The following RGMA variants were observed in gnomAD, a reference collection of about 807,000 sequenced individuals.
RGMA encodes the protein repulsive guidance molecule A.
RGMA carries 10 observed loss-of-function variants against 23.2 expected under a neutral mutation model. The observed-to-expected ratio is 0.43, with a 90% CI of 0.27 to 0.73. The LOEUF (loss-of-function observed/expected upper bound fraction) is 0.73. RGMA is among the 30% of genes least tolerant of loss of function. RGMA has a pLI of 0.20. For synonymous variants in RGMA, 308 were observed against 279.3 expected (o/e 1.10, Z -1.03); for missense variants, 547 against 630.5 (o/e 0.87, Z 1.42).
chr15:93,073,291 G>T, intron 1 of RGMA: 3 of 789,356 alleles, frequency 3.8e-6, no homozygotes, highest in Non-Finnish European at 4.9e-6. Context: ...AGCGAGGCCG[G>T]CGAGGTAGCC....
At chr15:93,073,714 CG>C in intron 1 of RGMA, 1 of 1,537,242 alleles carries the variant, frequency 6.5e-7, no homozygotes, top group Non-Finnish European at 8.7e-7. Flanking sequence ...CAGCTACTAA[CG>C]CACCTCGAGG....
At chr15:93,071,941 G>T (rs1895339721) in intron 2 of RGMA, among the ~76,000 whole-genome samples, 1 of 152,232 alleles carries the variant, frequency 6.6e-6, no homozygotes, top group African/African-American at 2.4e-5. Flanking sequence ...GGGGCCATTT[G>T]GCCCGTGACA....
rs972707006 is a variant in RGMA at position 93,066,584 on chromosome 15, C to T, written c.130+6332G>A. On this transcript the variant is annotated intron_variant, in intron 2 of 3. Transcript: ENST00000329082. ...TCCCTGCGGGCACTGGTACCACCAC[C>T]GCTACCACCCCGGGCATCGTCGCCG... The T allele has an allele frequency of 8.2e-5, 38 of 462,964 alleles. No individual in the cohort carries two copies. In the East Asian group the frequency reaches 1.2e-3, roughly 15 times the overall value. The allele number at this position is 462,964 out of a possible 1,614,324, so 28.7% of individuals were successfully genotyped here. A position where few individuals can be genotyped will look rare whatever the true frequency, so the allele number is the denominator to read the frequency against.
chr15:93,044,749 G>T lies in RGMA; in HGVS notation c.*249C>A, dbSNP rs902046665. 4 of 555,666 alleles carry T rather than the reference G, an allele frequency of 7.2e-6. No homozygotes were observed. The highest frequency in any genetic ancestry group is 3.2e-5 in the Admixed American group (1 of 31,182). 34.4% of individuals were successfully genotyped at this position (555,666 alleles called of 1,614,324 possible). A position where few individuals can be genotyped will look rare whatever the true frequency, so the allele number is the denominator to read the frequency against. ...TTTCACACATTCACACTGCAGGGGCGGGGCGAGGGGAGCTGCTCTCCCTCT... is the reference window on the plus strand; with the variant it reads ...TTTCACACATTCACACTGCAGGGGCTGGGCGAGGGGAGCTGCTCTCCCTCT... On this transcript the variant is annotated 3_prime_UTR_variant, in exon 4 of 4. Transcript: ENST00000329082.
chr15:93,074,697 A>G (rs1168728846), intron 1 of RGMA, among the ~76,000 whole-genome samples: 2 of 152,198 alleles, frequency 1.3e-5, no homozygotes, highest in Non-Finnish European at 2.9e-5. Flanking sequence ...CCCACCATCG[A>G]AAATGCTCTT....
chr15:93,068,278 T>C (rs1201849096), intron 2 of RGMA, among the ~76,000 whole-genome samples: 1 of 152,212 alleles, frequency 6.6e-6, no homozygotes, highest in Non-Finnish European at 1.5e-5. Context: ...TAACTGCTAC[T>C]CAACCAAAAC....
At chr15:93,068,839 G>C (rs1489503774) in intron 2 of RGMA, among the ~76,000 whole-genome samples, 4 of 152,176 alleles carry the variant, frequency 2.6e-5, no homozygotes, top group African/African-American at 9.7e-5. Flanking sequence ...TCTTATAAAA[G>C]GGACCCCACA....
At chr15:93,086,072 T>C (rs552536874) in intron 1 of RGMA, among the ~76,000 whole-genome samples, 2 of 152,352 alleles carry the variant, frequency 1.3e-5, no homozygotes, top group South Asian at 2.1e-4. Context: ...ATAGGCTGGA[T>C]ACCAAACAGG....
At chr15:93,058,992 A>G (rs1451740063) in intron 2 of RGMA, among the ~76,000 whole-genome samples, 1 of 146,114 alleles carries the variant, frequency 6.8e-6, no homozygotes, top group Non-Finnish European at 1.5e-5. Flanking sequence ...CAGGTGACAC[A>G]TTGCTTTCCT....
intron 2 of RGMA, among the ~76,000 whole-genome samples, chr15:93,056,218 G>A (rs1258098952): frequency 6.6e-6 from 1 of 152,228 alleles, no homozygotes. Context: ...AGTGCCTGAT[G>A]GAGCCGGGCC....
In RGMA at chr15:93,035,913, G is replaced by C. The variant is rs1261968580; in HGVS notation, c.*9085C>G. ...GCAGTGAGGCTCAGACACAGCCTGT[G>C]GCTTAAGATGAGGGTCAGAGAACCT... On this transcript the variant is annotated 3_prime_UTR_variant, in exon 4 of 4. Coordinates refer to ENST00000329082, the MANE Select transcript of RGMA (RefSeq NM_020211.3). 1 of 152,266 alleles carries C rather than the reference G, an allele frequency of 6.6e-6. No individual in the cohort carries two copies. Among genetic ancestry groups the C allele is most frequent in the Admixed American group, 6.5e-5 (1 of 15,292 alleles). 9.4% of individuals were successfully genotyped at this position (152,266 alleles called of 1,614,324 possible).
Position 93,059,922 on chromosome 15 carries a change from T to G in RGMA, c.131-7415A>C, listed in dbSNP as rs1260780025. Among the ~76,000 whole-genome samples, 4 of 152,216 alleles carry G rather than the reference T, an allele frequency of 2.6e-5. No homozygotes were observed. The East Asian group carries it at 7.7e-4, about 29-fold the overall frequency. ...GTCCATGGAAAGAAGGAAGGAAAGT[T>G]TGAGCTGAAAAACAGATCTTACAGC... is the stretch of plus-strand genomic sequence containing the variant. On this transcript the variant is annotated intron_variant, in intron 2 of 3. Coordinates refer to ENST00000329082, the MANE Select transcript of RGMA (RefSeq NM_020211.3).
chr15:93,044,576 G>A lies in RGMA; in HGVS notation c.*422C>T. On this transcript the variant is annotated 3_prime_UTR_variant, in exon 4 of 4. Transcript: ENST00000329082. ...AGTGTGCTCTCGTGTAAGAGTGTGTGCGTGCGTGTGGCGGGCACAGGGGGC... is the reference window on the plus strand; with the variant it reads ...AGTGTGCTCTCGTGTAAGAGTGTGTACGTGCGTGTGGCGGGCACAGGGGGC... 1 of 246,360 alleles carries A rather than the reference G, an allele frequency of 4.1e-6. No individual in the cohort carries two copies. The highest frequency in any genetic ancestry group is 8.0e-6 in the Non-Finnish European group (1 of 125,716). 15.3% of individuals were successfully genotyped at this position (246,360 alleles called of 1,614,324 possible).
At chr15:93,084,234 T>C (rs551938213) in intron 1 of RGMA, among the ~76,000 whole-genome samples, 6 of 152,172 alleles carry the variant, frequency 3.9e-5, no homozygotes, top group Non-Finnish European at 8.8e-5. Context: ...GAGCTGAAAA[T>C]GCACACTGGC....
rs373860225 is a variant in RGMA, at chr15:93,066,750, T to A, written c.130+6166A>T. 3.1e-5 allele frequency: 10 copies of A among 325,426 alleles called. No homozygotes were observed. The East Asian group carries it at 5.2e-4, about 17-fold the overall frequency. The allele number at this position is 325,426 out of a possible 1,614,324, so 20.2% of individuals were successfully genotyped here. A position where few individuals can be genotyped will look rare whatever the true frequency, so the allele number is the denominator to read the frequency against. On this transcript the variant is annotated intron_variant, in intron 2 of 3. Transcript: ENST00000329082. ...CTGGTCTTAAACTCCTGACCTCAAG[T>A]GATCCACCCGCCTCGGCCTCCCAAA...
In RGMA at chr15:93,037,197, G is replaced by C. The variant is rs537338606; in HGVS notation, c.*7801C>G. The C allele has an allele frequency of 6.6e-6, 1 of 152,410 alleles. No individual in the cohort carries two copies. Among genetic ancestry groups the C allele is most frequent in the Admixed American group, 6.5e-5 (1 of 15,310 alleles). 9.4% of individuals were successfully genotyped at this position (152,410 alleles called of 1,614,324 possible). A position where few individuals can be genotyped will look rare whatever the true frequency, so the allele number is the denominator to read the frequency against. ...TTTCATCTTCAGGACCGCCACGTGA[G>C]GGAGGTGGCGTCATTGTTCCCTCAC... On this transcript the variant is annotated 3_prime_UTR_variant, in exon 4 of 4. Coordinates refer to ENST00000329082, the MANE Select transcript of RGMA (RefSeq NM_020211.3). The surrounding 1 kb of genome is among the most constrained non-coding windows in gnomAD (Gnocchi z 4.3).
At position 93,036,429 on chromosome 15, in the gene RGMA, A is replaced by C. The variant is rs1366320413; in HGVS notation, c.*8569T>G. On this transcript the variant is annotated 3_prime_UTR_variant, in exon 4 of 4. Coordinates refer to ENST00000329082, the MANE Select transcript of RGMA (RefSeq NM_020211.3). ...AAAGGGAAGGTCAAGTCCACTCAAG[A>C]AGGCGGTTGCCGGAGTTTTCCTGCT... 1 of 152,292 alleles carries C rather than the reference A, an allele frequency of 6.6e-6. No homozygotes were observed. The highest frequency in any genetic ancestry group is 1.5e-5 in the Non-Finnish European group (1 of 68,108). 9.4% of individuals were successfully genotyped at this position (152,292 alleles called of 1,614,324 possible).
At chr15:93,073,627 G>C (rs1895414120) in intron 1 of RGMA, 1 of 1,537,006 alleles carries the variant, frequency 6.5e-7, no homozygotes, top group African/African-American at 1.4e-5. Context: ...GTCGCACTCA[G>C]ACGCGACACC....
Position 93,044,029 on chromosome 15 carries a change from G to A in RGMA, c.*969C>T, listed in dbSNP as rs1395769394. On this transcript the variant is annotated 3_prime_UTR_variant, in exon 4 of 4. Transcript: ENST00000329082. ...CTGCCAGGGATGCTCAGAGCTGAGA[G>A]TCCTAAGACCCTGCTCCTCTCCCCA... is the stretch of plus-strand genomic sequence containing the variant. The A allele has an allele frequency of 2.0e-5, 3 of 152,374 alleles. No individual in the cohort carries two copies. Among genetic ancestry groups the A allele is most frequent in the African/African-American group, 7.2e-5 (3 of 41,446 alleles). 9.4% of individuals were successfully genotyped at this position (152,374 alleles called of 1,614,324 possible). A position where few individuals can be genotyped will look rare whatever the true frequency, so the allele number is the denominator to read the frequency against.
Sources: allele counts gnomAD v4.1 joint callset (sites outside exome capture counted in the v4.1 genomes callset), GRCh38; gene constraint gnomAD v4.1.1; non-coding constraint Gnocchi (gnomAD v3.1); transcripts MANE v1.5; gene names NCBI Gene and HGNC (gene_info 2026-07-23, HGNC 2026-07-21).